The following PAX7 variants were observed in gnomAD, a reference collection of about 807,000 sequenced individuals.
PAX7 encodes the protein paired box 7.
Under a neutral mutation model 50.7 loss-of-function variants are expected in PAX7, and 18 were observed. That is an observed-to-expected ratio of 0.36 (90% CI 0.25 to 0.53). PAX7 has a LOEUF of 0.53. Among genes scored for constraint, PAX7 ranks in the 20% least tolerant of loss-of-function variants. The pLI, the probability that PAX7 is intolerant of heterozygous loss-of-function variation, is 0.93. For missense variants in PAX7, 644 were observed against 702.9 expected, an observed-to-expected ratio of 0.92 and a Z score of 0.95; for synonymous variants, 310 against 290.4, an observed-to-expected ratio of 1.07 and a Z score of -0.69.
At chr1:18,706,319 A>T (rs2089282592) in intron 7 of PAX7, among the ~76,000 whole-genome samples, 1 of 152,140 alleles carries the variant, frequency 6.6e-6, no homozygotes, top group African/African-American at 2.4e-5. Context: ...GGCAAGAGGG[A>T]CAGGTTAAGC....
At chr1:18,664,347 G>A (rs985929922) in intron 4 of PAX7, among the ~76,000 whole-genome samples, 1 of 152,200 alleles carries the variant, frequency 6.6e-6, no homozygotes, top group Non-Finnish European at 1.5e-5. Flanking sequence ...CCACATCTGA[G>A]TTTTTCCTTC....
chr1:18,653,206 T>TA (rs1172850174), intron 4 of PAX7, among the ~76,000 whole-genome samples: 1 of 150,786 alleles, frequency 6.6e-6, no homozygotes, highest in Non-Finnish European at 1.5e-5. Flanking sequence ...TTTCATTTCT[T>TA]TTTTTTTTAC....
intron 4 of PAX7, among the ~76,000 whole-genome samples, chr1:18,687,494 C>T (rs917398869): frequency 2.0e-5 from 3 of 152,206 alleles, no homozygotes; most frequent in Admixed American, 1.3e-4. Flanking sequence ...AGTGACTGAA[C>T]CTCTCTGAGC....
At position 18,655,981 on chromosome 1, in the gene PAX7, C is replaced by A. The variant is rs144275649; in HGVS notation, c.586+19610C>A. 2.0e-5 allele frequency among the ~76,000 whole-genome samples: 3 copies of A among 152,236 alleles called. No homozygotes were observed. The East Asian group carries it at 5.8e-4, about 29-fold the overall frequency. On this transcript the variant is annotated intron_variant, in intron 4 of 8. Transcript: ENST00000420770. Reference sequence around the variant, plus strand: ...TGCAGCATCAGACTTGAGCTGGAATCGGCCTTTACCCTCCTGGCACTCCAA... The same window carrying A: ...TGCAGCATCAGACTTGAGCTGGAATAGGCCTTTACCCTCCTGGCACTCCAA...
At chr1:18,704,628 A>G (rs1279036843) in intron 7 of PAX7, among the ~76,000 whole-genome samples, 2 of 152,274 alleles carry the variant, frequency 1.3e-5, no homozygotes, top group Admixed American at 6.5e-5. Context: ...TCAAAAAGAT[A>G]AATAAATAAA....
At chr1:18,696,791 CG>C (rs1190695554) in intron 5 of PAX7, among the ~76,000 whole-genome samples, 5 of 151,508 alleles carry the variant, frequency 3.3e-5, no homozygotes, top group African/African-American at 1.2e-4. Context: ...GGATGGTTAA[CG>C]GGTTCAAAAA....
intron 4 of PAX7, among the ~76,000 whole-genome samples, chr1:18,683,439 A>T (rs1423245637): frequency 6.6e-6 from 1 of 152,206 alleles, no homozygotes; most frequent in Non-Finnish European, 1.5e-5. Context: ...TCATGCAACA[A>T]ATATTTGAGT....
At chr1:18,740,985 C>G (rs1252937894) in intron 8 of PAX7, among the ~76,000 whole-genome samples, 1 of 152,052 alleles carries the variant, frequency 6.6e-6, no homozygotes, top group African/African-American at 2.4e-5. Context: ...TTACTAGAGG[C>G]AGGGAAGCAG....
chr1:18,639,858 C>T (rs2088222798), intron 4 of PAX7, among the ~76,000 whole-genome samples: 3 of 152,148 alleles, frequency 2.0e-5, no homozygotes, highest in Admixed American at 2.0e-4. Flanking sequence ...CGGATCAGAC[C>T]AGGGGCTCCG....
At chr1:18,694,669 A>G (rs2089128508) in intron 5 of PAX7, among the ~76,000 whole-genome samples, 1 of 152,098 alleles carries the variant, frequency 6.6e-6, no homozygotes, top group Non-Finnish European at 1.5e-5. Context: ...CAGGACTGAG[A>G]GCTCAGGGTT....
intron 4 of PAX7, among the ~76,000 whole-genome samples, chr1:18,690,279 G>A (rs996857061): frequency 6.6e-6 from 1 of 152,004 alleles, no homozygotes; most frequent in Admixed American, 6.5e-5. Context: ...AAGAAATGAA[G>A]GCAAAAGAGA....
chr1:18,670,631 A>G (rs1173224037), intron 4 of PAX7, among the ~76,000 whole-genome samples: 4 of 152,156 alleles, frequency 2.6e-5, no homozygotes, highest in Admixed American at 6.5e-5. Context: ...AGCCCCAGGC[A>G]TCCGTCCGTC....
intron 7 of PAX7, among the ~76,000 whole-genome samples, chr1:18,729,539 A>G (rs1467955331): frequency 6.6e-6 from 1 of 152,220 alleles, no homozygotes; most frequent in Non-Finnish European, 1.5e-5. Flanking sequence ...GGGAAAAACT[A>G]TCCTGCCCGT....
In PAX7 at chr1:18,700,739, C is replaced by T. The variant is rs1483412502; in HGVS notation, c.873C>T (p.Gly291=). 2 of 1,599,764 alleles carry T rather than the reference C, an allele frequency of 1.3e-6. No individual in the cohort carries two copies. Among genetic ancestry groups the T allele is most frequent in the South Asian group, 1.1e-5 (1 of 89,050 alleles). Reference sequence around the variant, plus strand: ...CGTTCAACCACCTTCTGCCAGGAGGCTTCCCACCCACCGGCATGCCCACGC... The same window carrying T: ...CGTTCAACCACCTTCTGCCAGGAGGTTTCCCACCCACCGGCATGCCCACGC... ...LAAFNHLLPG[G]FPPTGMPTLP... The change falls in exon 6 of 9, where the codon GGC becomes GGT. Residue 291 remains glycine (G), a synonymous_variant. Transcript: ENST00000420770. This position sits in a 1 kb window ranked among gnomAD's most constrained non-coding sequence, Gnocchi z 4.8.
intron 7 of PAX7, among the ~76,000 whole-genome samples, chr1:18,732,808 T>G (rs973087886): frequency 6.6e-6 from 1 of 152,122 alleles, no homozygotes; most frequent in African/African-American, 2.4e-5. Flanking sequence ...CCTCGTCCTC[T>G]TCCTAACCAT....
At chr1:18,689,012 C>A (rs2089018172) in intron 4 of PAX7, among the ~76,000 whole-genome samples, 1 of 152,204 alleles carries the variant, frequency 6.6e-6, no homozygotes, top group Non-Finnish European at 1.5e-5. Context: ...AGGGTAGGGC[C>A]TGTGTCTGCC....
chr1:18,646,265 A>G (rs2088336239), intron 4 of PAX7, among the ~76,000 whole-genome samples: 1 of 147,970 alleles, frequency 6.8e-6, no homozygotes. Context: ...TCTCTCTTCA[A>G]ATTAGGTTCT....
chr1:18,743,860 C>T (rs1221502910), intron 8 of PAX7, among the ~76,000 whole-genome samples: 1 of 152,228 alleles, frequency 6.6e-6, no homozygotes, highest in African/African-American at 2.4e-5. Context: ...TTCATCTATT[C>T]ACAAAGGTGC....
chr1:18,725,502 C>T (rs2089552830), intron 7 of PAX7, among the ~76,000 whole-genome samples: 1 of 152,138 alleles, frequency 6.6e-6, no homozygotes, highest in South Asian at 2.1e-4. Flanking sequence ...GTTTCTGTCA[C>T]TTGCTCTCTG....
Sources: allele counts gnomAD v4.1 joint callset (sites outside exome capture counted in the v4.1 genomes callset), GRCh38; gene constraint gnomAD v4.1.1; non-coding constraint Gnocchi (gnomAD v3.1); transcripts MANE v1.5; gene names NCBI Gene and HGNC (gene_info 2026-07-23, HGNC 2026-07-21).